The following EVI5 variants were observed in gnomAD, a reference collection of about 807,000 sequenced individuals.
EVI5 encodes the protein ecotropic viral integration site 5 protein homolog.
Under a neutral mutation model 112.0 loss-of-function variants are expected in EVI5, and 73 were observed. The observed-to-expected ratio is 0.65, with a 90% CI of 0.54 to 0.79. The LOEUF is 0.79. Among genes scored for constraint, EVI5 ranks in the 30% least tolerant of loss-of-function variants. The pLI is 0.00. For synonymous variants in EVI5, 305 were observed against 319.9 expected (o/e 0.95, Z 0.50); for missense variants, 900 against 968.8 (o/e 0.93, Z 0.94).
At chr1:92,595,837 G>A (rs1647669393) in intron 18 of EVI5, among the ~76,000 whole-genome samples, 1 of 152,098 alleles carries the variant, frequency 6.6e-6, no homozygotes, top group African/African-American at 2.4e-5. Flanking sequence ...TAATGAACAG[G>A]GAACTAATAG....
intron 2 of EVI5, among the ~76,000 whole-genome samples, chr1:92,719,652 T>G (rs1258477134): frequency 6.6e-6 from 1 of 151,994 alleles, no homozygotes; most frequent in African/African-American, 2.4e-5. Flanking sequence ...AGGGATGCCC[T>G]CTCTCTCCAC....
At chr1:92,559,911 G>C (rs1178411156) in intron 19 of EVI5, among the ~76,000 whole-genome samples, 1 of 148,932 alleles carries the variant, frequency 6.7e-6, no homozygotes, top group East Asian at 2.0e-4. Context: ...TGCCATCATT[G>C]TTCTATATAC....
At chr1:92,553,726 G>A (rs909572995) in intron 19 of EVI5, among the ~76,000 whole-genome samples, 1 of 152,146 alleles carries the variant, frequency 6.6e-6, no homozygotes, top group Non-Finnish European at 1.5e-5. Flanking sequence ...GAGCCACCAC[G>A]CCCTGCCCCT....
At chr1:92,766,630 G>A (rs1250640957) in intron 1 of EVI5, among the ~76,000 whole-genome samples, 1 of 151,930 alleles carries the variant, frequency 6.6e-6, no homozygotes, top group Non-Finnish European at 1.5e-5. Flanking sequence ...TCATAGCAAA[G>A]GCCTAAAAAC....
Position 92,509,933 on chromosome 1 carries a change from T to C in EVI5, c.*3723A>G, listed in dbSNP as rs193172617. On this transcript the variant is annotated 3_prime_UTR_variant, in exon 20 of 20. Transcript: ENST00000684568. ...ACAAAATGTCAGTAATTAAATAAAA[T>C]TCATCGAGAACATTGTTCAATGCTT... The C allele has an allele frequency of 7.2e-5, 11 of 152,306 alleles. No homozygotes were observed. The highest frequency in any genetic ancestry group is 5.8e-4 in the East Asian group (3 of 5,182). The allele number at this position is 152,306 out of a possible 1,614,324, so 9.4% of individuals were successfully genotyped here.
intron 18 of EVI5, among the ~76,000 whole-genome samples, chr1:92,568,409 A>T (rs1669823562): frequency 6.6e-6 from 1 of 152,046 alleles, no homozygotes; most frequent in Non-Finnish European, 1.5e-5. Flanking sequence ...AAAAGAAAAA[A>T]ATACAGATTT....
intron 18 of EVI5, among the ~76,000 whole-genome samples, chr1:92,598,164 C>T (rs1448287463): frequency 2.0e-5 from 3 of 151,986 alleles, no homozygotes; most frequent in Admixed American, 6.5e-5. Flanking sequence ...ATGAATAAGA[C>T]AGATAAAAAT....
chr1:92,776,298 C>A (rs879757569), intron 1 of EVI5, among the ~76,000 whole-genome samples: 1 of 152,022 alleles, frequency 6.6e-6, no homozygotes, highest in Non-Finnish European at 1.5e-5. Context: ...ACATTGATAA[C>A]ATTTCTATTT....
intron 19 of EVI5, among the ~76,000 whole-genome samples, chr1:92,533,685 G>A (rs1185467883): frequency 1.3e-5 from 2 of 151,774 alleles, no homozygotes; most frequent in African/African-American, 2.4e-5. Context: ...CAAAAACCAC[G>A]TTTATCTCAA....
Position 92,595,270 on chromosome 1 carries a change from A to T in EVI5, c.2070+10037T>A, listed in dbSNP as rs543433197. On this transcript the variant is annotated intron_variant, in intron 18 of 19. Coordinates refer to ENST00000684568, the MANE Select transcript of EVI5 (RefSeq NM_001350197.2). ...ATGAGTTCATGTCCTTTGTAGGGAC[A>T]TGGATGAAGCTGGAAACCATCATTC... is the stretch of plus-strand genomic sequence containing the variant. Among the ~76,000 whole-genome samples, 445 of 151,868 alleles carry T rather than the reference A, an allele frequency of 2.9e-3. 2 individuals carry two copies. The highest frequency in any genetic ancestry group is 0.01 in the African/African-American group (423 of 41,370).
At chr1:92,670,681 CT>C (rs1314905530) in intron 10 of EVI5, among the ~76,000 whole-genome samples, 1 of 152,126 alleles carries the variant, frequency 6.6e-6, no homozygotes, top group African/African-American at 2.4e-5. Context: ...TTCTATCCCC[CT>C]AGGTCACTAT....
At chr1:92,744,210 T>A (rs1294405180) in intron 1 of EVI5, among the ~76,000 whole-genome samples, 1 of 152,210 alleles carries the variant, frequency 6.6e-6, no homozygotes, top group Admixed American at 6.5e-5. Context: ...CAAGTTAAGA[T>A]GTGTTTTATG....
chr1:92,686,699 T>C (rs1181874451), intron 9 of EVI5, among the ~76,000 whole-genome samples: 1 of 152,224 alleles, frequency 6.6e-6, no homozygotes, highest in Non-Finnish European at 1.5e-5. Context: ...CAGCAAAGTC[T>C]CAGGATACAA....
At chr1:92,765,553 T>C (rs1263211403) in intron 1 of EVI5, among the ~76,000 whole-genome samples, 1 of 150,772 alleles carries the variant, frequency 6.6e-6, no homozygotes, top group African/African-American at 2.4e-5. Flanking sequence ...CCAGAAAAGT[T>C]ATAAACAACA....
intron 5 of EVI5, among the ~76,000 whole-genome samples, chr1:92,701,779 C>T (rs1000355496): frequency 2.7e-5 from 4 of 150,618 alleles, no homozygotes; most frequent in Non-Finnish European, 1.5e-5. Flanking sequence ...AGATGTTGTA[C>T]AATATAAATA....
At chr1:92,619,975 G>C (rs1299782907) in intron 16 of EVI5, among the ~76,000 whole-genome samples, 1 of 152,134 alleles carries the variant, frequency 6.6e-6, no homozygotes, top group Non-Finnish European at 1.5e-5. Context: ...AGAGTTGTTA[G>C]ACAACCTTGA....
intron 14 of EVI5, among the ~76,000 whole-genome samples, chr1:92,635,068 T>C (rs1458663898): frequency 6.6e-6 from 1 of 152,182 alleles, no homozygotes; most frequent in East Asian, 1.9e-4. Context: ...TACCCGGCCG[T>C]GTGAGGTGTC....
At chr1:92,594,526 A>G (rs918173821) in intron 18 of EVI5, among the ~76,000 whole-genome samples, 1 of 150,778 alleles carries the variant, frequency 6.6e-6, no homozygotes, top group Non-Finnish European at 1.5e-5. Flanking sequence ...CATGTCTAAA[A>G]CACCAAAAGC....
intron 19 of EVI5, among the ~76,000 whole-genome samples, chr1:92,553,699 G>A (rs1027980712): frequency 6.6e-6 from 1 of 152,088 alleles, no homozygotes; most frequent in Non-Finnish European, 1.5e-5. Context: ...CTCACATAGT[G>A]GTGGAATCAC....
Sources: gnomAD v4.1 joint callset for allele counts (sites outside exome capture counted in the v4.1 genomes callset) on GRCh38, gnomAD v4.1.1 for gene constraint, MANE v1.5 for transcripts, NCBI Gene and HGNC (gene_info 2026-07-23, HGNC 2026-07-21) for gene names.